Variants in KDM2A observed in about 807,000 individuals in gnomAD.
The protein encoded by KDM2A is lysine demethylase 2A, also known as lysine-specific demethylase 2A.
A neutral mutation model predicts 137.3 loss-of-function variants in KDM2A; 3 were observed. The observed-to-expected ratio is 0.02, with a 90% CI of 0.01 to 0.06. The LOEUF is 0.06. KDM2A is among the 10% of genes least tolerant of loss of function. KDM2A has a pLI of 1.00. For missense variants in KDM2A, 738 were observed against 1,510.6 expected, an observed-to-expected ratio of 0.49 and a Z score of 8.48; for synonymous variants, 512 against 541.5, an observed-to-expected ratio of 0.95 and a Z score of 0.76.
At chr11:67,218,298 A>G (rs558009915) in intron 9 of KDM2A, among the ~76,000 whole-genome samples, 1 of 152,334 alleles carries the variant, frequency 6.6e-6, no homozygotes, top group Non-Finnish European at 1.5e-5. Context: ...GTAAGTGCTT[A>G]TAAAGATCAC....
rs1859178676 is a variant in KDM2A, at chr11:67,245,538, A to G, written c.1833+80A>G. The G allele has an allele frequency of 2.0e-6, 3 of 1,471,736 alleles. No homozygotes were observed. The allele number at this position is 1,471,736 out of a possible 1,614,324, so 91.2% of individuals were successfully genotyped here. A position where few individuals can be genotyped will look rare whatever the true frequency, so the allele number is the denominator to read the frequency against. On this transcript the variant is annotated intron_variant, in intron 14 of 20. Coordinates refer to ENST00000529006, the MANE Select transcript of KDM2A (RefSeq NM_012308.3). The surrounding 1 kb of genome is among the most constrained non-coding windows in gnomAD (Gnocchi z 4.1). ...CTGAAATACATATAGTGTAGAGTTA[A>G]AGAGACTTCAGAGTTGGAAAGAAAA...
chr11:67,171,896 A>G (rs979582419), intron 2 of KDM2A, among the ~76,000 whole-genome samples: 6 of 152,188 alleles, frequency 3.9e-5, no homozygotes, highest in African/African-American at 7.2e-5. Flanking sequence ...CCATCAATCT[A>G]TATGTTTCTC....
intron 2 of KDM2A, among the ~76,000 whole-genome samples, chr11:67,170,512 G>A (rs560667158): frequency 4.1e-5 from 6 of 147,284 alleles, no homozygotes; most frequent in South Asian, 4.3e-4. Context: ...TCCTGGGTTC[G>A]CACCATTCTC....
chr11:67,252,534 C>T lies in KDM2A; in HGVS notation c.2769-160C>T, dbSNP rs1428569075. 5 of 763,514 alleles carry T rather than the reference C, an allele frequency of 6.5e-6. No homozygotes were observed. The Admixed American group carries it at 1.1e-4, about 17-fold the overall frequency. 47.3% of individuals were successfully genotyped at this position (763,514 alleles called of 1,614,324 possible). On this transcript the variant is annotated intron_variant, in intron 17 of 20. Transcript: ENST00000529006. ...TTGTAGAGTTCAAGGCAATTTTTTG[C>T]CTATTCTGTGAGGCAAAAAATGATA...
chr11:67,148,506 A>G (rs947143154), intron 2 of KDM2A, among the ~76,000 whole-genome samples: 9 of 152,102 alleles, frequency 5.9e-5, no homozygotes, highest in Admixed American at 3.3e-4. Flanking sequence ...CCCCCATCAG[A>G]AACAAGTAAT....
intron 13 of KDM2A, chr11:67,243,817 GAAA>G (rs887287117): frequency 3.3e-5 from 5 of 149,986 alleles, no homozygotes; most frequent in Admixed American, 6.6e-5. Flanking sequence ...CTGTCTCAAA[GAAA>G]AAAAAAGAAG....
intron 2 of KDM2A, among the ~76,000 whole-genome samples, chr11:67,129,445 C>T (rs538378329): frequency 2.6e-5 from 4 of 151,978 alleles, no homozygotes; most frequent in African/African-American, 7.2e-5. Flanking sequence ...AAAAATTAGC[C>T]GGGCATAGGC....
intron 15 of KDM2A, among the ~76,000 whole-genome samples, chr11:67,247,076 T>TA (rs1565424329): frequency 4.2e-5 from 3 of 70,610 alleles, no homozygotes; most frequent in Admixed American, 1.5e-4. Context: ...TATATATTTT[T>TA]TTTTTTTTTT....
intron 12 of KDM2A, chr11:67,240,478 C>CAATG: frequency 1.1e-6 from 1 of 878,122 alleles, no homozygotes; most frequent in East Asian, 2.7e-5. Context: ...GAGTCCAGGA[C>CAATG]AATGCTATGT....
intron 5 of KDM2A, among the ~76,000 whole-genome samples, chr11:67,184,457 G>A (rs913008285): frequency 4.6e-5 from 7 of 152,076 alleles, no homozygotes; most frequent in South Asian, 2.1e-4. Context: ...GTGAAACCCC[G>A]TCTTTACTAA....
chr11:67,239,827 G>C (rs999018128), intron 12 of KDM2A, among the ~76,000 whole-genome samples: 6 of 152,256 alleles, frequency 3.9e-5, no homozygotes, highest in African/African-American at 1.2e-4. Context: ...CTGCCACCGG[G>C]AGCCCTCAGG....
chr11:67,150,058 T>C (rs1188693001), intron 2 of KDM2A, among the ~76,000 whole-genome samples: 2 of 152,186 alleles, frequency 1.3e-5, no homozygotes, highest in African/African-American at 4.8e-5. Flanking sequence ...AAACAAAAGA[T>C]AGCAAAATTC....
At chr11:67,139,133 A>G (rs1375990382) in intron 2 of KDM2A, among the ~76,000 whole-genome samples, 1 of 152,170 alleles carries the variant, frequency 6.6e-6, no homozygotes, top group Non-Finnish European at 1.5e-5. Context: ...CAGTGAGTAC[A>G]GAAGGGGCCC....
intron 8 of KDM2A, 60 bp from the exon 9 acceptor site, chr11:67,217,671 G>A (rs1255211493): frequency 1.3e-6 from 2 of 1,549,828 alleles, no homozygotes; most frequent in East Asian, 2.3e-5. Context: ...TTTATCAGTT[G>A]AGGGAGACGA....
chr11:67,123,681 G>GTT (rs371113782), intron 2 of KDM2A, among the ~76,000 whole-genome samples: 3 of 143,094 alleles, frequency 2.1e-5, no homozygotes, highest in Admixed American at 7.0e-5. Context: ...ACTTTTAACT[G>GTT]TTTTTTTTTT....
At chr11:67,165,617 G>A (rs563195305) in intron 2 of KDM2A, among the ~76,000 whole-genome samples, 1 of 152,132 alleles carries the variant, frequency 6.6e-6, no homozygotes, top group South Asian at 2.1e-4. Context: ...CCTGATGAGA[G>A]GAATGTAGCA....
chr11:67,124,880 CAG>C (rs1855683435), intron 2 of KDM2A, among the ~76,000 whole-genome samples: 4 of 146,406 alleles, frequency 2.7e-5, no homozygotes, highest in Admixed American at 6.8e-5. Context: ...TTTTTTGAGA[CAG>C]AGTCTTGCTC....
In KDM2A at chr11:67,242,519, A is replaced by G. The variant is rs149597477; in HGVS notation, c.1480-490A>G. On this transcript the variant is annotated intron_variant, in intron 12 of 20. Coordinates refer to ENST00000529006, the MANE Select transcript of KDM2A (RefSeq NM_012308.3). The stretch of plus-strand genomic sequence containing the variant: ...ACTGGTGTAGAAAAGTGAAGAAGCA[A>G]TAATAAAGTTTTACTGTCATATGTA... Among the ~76,000 whole-genome samples the G allele has an allele frequency of 4.6e-5, 7 of 152,332 alleles. No individual in the cohort carries two copies. In the East Asian group the frequency reaches 7.7e-4, roughly 17 times the overall value.
intron 2 of KDM2A, among the ~76,000 whole-genome samples, chr11:67,176,341 A>G (rs1381026179): frequency 6.6e-6 from 1 of 152,160 alleles, no homozygotes; most frequent in African/African-American, 2.4e-5. Flanking sequence ...GTTTATGTAG[A>G]TTCAGGTGCT....
Sources: gnomAD v4.1 joint callset for allele counts (sites outside exome capture counted in the v4.1 genomes callset) on GRCh38, gnomAD v4.1.1 for gene constraint, Gnocchi (gnomAD v3.1) non-coding constraint, MANE v1.5 for transcripts, NCBI Gene and HGNC (gene_info 2026-07-23, HGNC 2026-07-21) for gene names.